The following CDCA5 variants were observed in gnomAD, a reference collection of about 807,000 sequenced individuals.
The protein encoded by CDCA5 is sororin.
CDCA5 carries 14 observed loss-of-function variants against 25.7 expected under a neutral mutation model. The observed-to-expected ratio is 0.54, with a 90% CI of 0.36 to 0.85. The LOEUF (loss-of-function observed/expected upper bound fraction) is 0.85, where lower values mean the gene tolerates loss of function less well. Among genes scored for constraint, CDCA5 ranks in the 40% least tolerant of loss-of-function variants. CDCA5 has a pLI of 0.01. For synonymous variants in CDCA5, 127 were observed against 128.7 expected (o/e 0.99, Z 0.09); for missense variants, 307 against 324.5 (o/e 0.95, Z 0.41).
chr11:65,062,885 C>A (rs1284945881), downstream of CDCA5, among the ~76,000 whole-genome samples: 1 of 152,168 alleles, frequency 6.6e-6, no homozygotes, highest in Non-Finnish European at 1.5e-5. Flanking sequence ...TTATTTCTTG[C>A]TGCCCCTCCC....
At chr11:65,070,107 G>A (rs115530117) in intron 1 of CDCA5, among the ~76,000 whole-genome samples, 147 of 152,372 alleles carry the variant, frequency 9.6e-4, no homozygotes, top group African/African-American at 3.3e-3. Context: ...AGCAAGAGCC[G>A]TGGGGTCCTG....
intron 2 of CDCA5, chr11:65,068,194 C>T (rs969977940): frequency 5.4e-6 from 5 of 927,412 alleles, no homozygotes; most frequent in Non-Finnish European, 7.6e-6. Flanking sequence ...TCCCACACCC[C>T]CCATCCTTGC....
Position 65,079,183 on chromosome 11 carries a change from G to C in CDCA5, c.683C>G (p.Thr228Arg). 1 of 1,525,274 alleles carries C rather than the reference G, an allele frequency of 6.6e-7. No homozygotes were observed. The highest frequency in any genetic ancestry group is 2.3e-5 in the East Asian group (1 of 44,100). 94.5% of individuals were successfully genotyped at this position (1,525,274 alleles called of 1,614,324 possible). ...GGCCGCAGCCCACTCATCCAGCTCC[G>C]TTTTCTGAGGGAAGAGAAATGAGGA... ...KKKKMPEILKTELDEWAAAMN... is the reference protein window; with the variant it reads ...KKKKMPEILKRELDEWAAAMN... Residue 228 changes from threonine to arginine, a missense_variant, in exon 6 of 6, where the codon ACG becomes AGG. Coordinates refer to ENST00000275517, the MANE Select transcript of CDCA5 (RefSeq NM_080668.4).
chr11:65,067,499 C>G (rs1460735422), intron 4 of CDCA5, among the ~76,000 whole-genome samples: 1 of 152,250 alleles, frequency 6.6e-6, no homozygotes, highest in African/African-American at 2.4e-5. Context: ...GCCCCTCCCC[C>G]AGACTGAACG....
At chr11:65,064,982 G>A (rs924881600), downstream of CDCA5, among the ~76,000 whole-genome samples, 1 of 152,168 alleles carries the variant, frequency 6.6e-6, no homozygotes, top group Non-Finnish European at 1.5e-5. Context: ...GCCCAGGCCT[G>A]ATCCCTAGGA....
chr11:65,067,789 G>C (rs1478218297), intron 3 of CDCA5: 1 of 1,188,718 alleles, frequency 8.4e-7, no homozygotes, highest in Non-Finnish European at 1.1e-6. Context: ...AGGCCAGAGG[G>C]TCTAGGGGAT....
chr11:65,061,777 G>GAAAAAAAAAAAA (rs781316054), downstream of CDCA5, among the ~76,000 whole-genome samples: 1 of 81,528 alleles, frequency 1.2e-5, no homozygotes, highest in Non-Finnish European at 2.7e-5. Flanking sequence ...TCCGTCTCAA[G>GAAAAAAAAAAAA]AAAAAAAAAA....
downstream of CDCA5, among the ~76,000 whole-genome samples, chr11:65,065,615 C>T (rs566223340): frequency 3.9e-5 from 6 of 152,276 alleles, no homozygotes; most frequent in East Asian, 9.6e-4. Flanking sequence ...AAAATAAATG[C>T]CCTTTAGAAT....
Position 65,078,930 on chromosome 11 carries a change from C to T in CDCA5, c.*177G>A, listed in dbSNP as rs1947498590. 8.7e-6 allele frequency: 11 copies of T among 1,257,496 alleles called. No homozygotes were observed. Among genetic ancestry groups the T allele is most frequent in the South Asian group, 3.6e-5 (1 of 27,566 alleles). 77.9% of individuals were successfully genotyped at this position (1,257,496 alleles called of 1,614,324 possible). A position where few individuals can be genotyped will look rare whatever the true frequency, so the allele number is the denominator to read the frequency against. On this transcript the variant is annotated 3_prime_UTR_variant, in exon 6 of 6. Transcript: ENST00000275517. ...GGCCAGGCGGCCCCATTTCCTAAAACCAAGATGGCTGCCGCTGCTGCCCAA... is the reference window on the plus strand; with the variant it reads ...GGCCAGGCGGCCCCATTTCCTAAAATCAAGATGGCTGCCGCTGCTGCCCAA...
intron 4 of CDCA5, 87 bp downstream of exon 4, chr11:65,083,277 C>T: frequency 6.6e-7 from 1 of 1,511,510 alleles, no homozygotes; most frequent in East Asian, 2.3e-5. Flanking sequence ...AAACAGCTCC[C>T]TGGGCAGATG....
chr11:65,067,443 G>A (rs1947260215), intron 4 of CDCA5, among the ~76,000 whole-genome samples: 1 of 152,198 alleles, frequency 6.6e-6, no homozygotes, highest in South Asian at 2.1e-4. Flanking sequence ...GAGCGGCCAT[G>A]GGATTGTGTG....
downstream of CDCA5, among the ~76,000 whole-genome samples, chr11:65,073,488 C>T (rs970026640): frequency 1.3e-5 from 2 of 152,098 alleles, no homozygotes; most frequent in African/African-American, 4.8e-5. Flanking sequence ...GACTTAATGA[C>T]GCGGGGCTCC....
In CDCA5 at chr11:65,083,563, G is replaced by A. The variant is rs780902128; in HGVS notation, c.142-13C>T. 5.6e-6 allele frequency: 9 copies of A among 1,614,162 alleles called. No homozygotes were observed. The Admixed American group carries it at 1.5e-4, about 27-fold the overall frequency. On this transcript the variant is annotated splice_polypyrimidine_tract_variant and intron_variant, in intron 2 of 5. Transcript: ENST00000275517. The stretch of plus-strand genomic sequence containing the variant: ...CCGCACTGGGTGTCTGGAGAAGAGG[G>A]ATGAACGTGAGCTCAACATTAGGTG...
rs757729405 is a variant in CDCA5 at position 65,077,680 on chromosome 11, T to C, written c.*1427A>G. 45 of 985,350 alleles carry C rather than the reference T, an allele frequency of 4.6e-5. No homozygotes were observed. The highest frequency in any genetic ancestry group is 5.1e-5 in the Non-Finnish European group (42 of 829,974). The allele number at this position is 985,350 out of a possible 1,614,324, so 61.0% of individuals were successfully genotyped here. A position where few individuals can be genotyped will look rare whatever the true frequency, so the allele number is the denominator to read the frequency against. On this transcript the variant is annotated 3_prime_UTR_variant, in exon 6 of 6. Coordinates refer to ENST00000275517, the MANE Select transcript of CDCA5 (RefSeq NM_080668.4). The stretch of plus-strand genomic sequence containing the variant: ...CAGTGCGGTTCAGCTCAAGGACACC[T>C]AGGCTTCCCCAGCAGGGGGCTTGCT...
At position 65,068,360 on chromosome 11, in the gene CDCA5, C is replaced by T. The variant is rs996973265; in HGVS notation, c.177+128G>A. 1.6e-4 allele frequency: 87 copies of T among 532,668 alleles called. 1 individual carries two copies. In the Admixed American group the frequency reaches 2.4e-3, roughly 15 times the overall value. The allele number at this position is 532,668 out of a possible 1,614,324, so 33.0% of individuals were successfully genotyped here. On this transcript the variant is annotated intron_variant, in intron 2 of 6. Coordinates refer to the CDCA5 transcript ENST00000525464. The stretch of plus-strand genomic sequence containing the variant: ...CCTGAACCCAGGAGCTGGGCCTGGA[C>T]GCCCTGACAGCTGGAAGCTGGGTGT...
rs1247609470 is a variant in CDCA5 at position 65,079,706 on chromosome 11, GGAC to G, written c.322_324del (p.Val108del). On this transcript the variant is annotated inframe_deletion, in exon 5 of 6. Transcript: ENST00000275517. Reference sequence around the variant, plus strand: ...ACAGGAGTGCTGGTGGGGGTGGCAGGGACGCTGTGTGTCTTGAAAAGGTCCTCC... The same window carrying G: ...ACAGGAGTGCTGGTGGGGGTGGCAGGGCTGTGTGTCTTGAAAAGGTCCTCC... 6.4e-7 allele frequency: 1 copy of G among 1,563,704 alleles called. No individual in the cohort carries two copies. Among genetic ancestry groups the G allele is most frequent in the African/African-American group, 1.4e-5 (1 of 72,870 alleles).
chr11:65,077,398 AGGCCTGGCCTTACCTTC>A, downstream of CDCA5: 1 of 928,026 alleles, frequency 1.1e-6, no homozygotes, highest in Non-Finnish European at 1.3e-6. Context: ...AGCCCACTGG[AGGCCTGGCCTTACCTTC>A]GGCTCTGCCT....
Position 65,077,530 on chromosome 11 carries a change from C to T in CDCA5, c.*1577G>A. 2.0e-6 allele frequency: 2 copies of T among 985,404 alleles called. No homozygotes were observed. The highest frequency in any genetic ancestry group is 2.4e-6 in the Non-Finnish European group (2 of 829,898). 61.0% of individuals were successfully genotyped at this position (985,404 alleles called of 1,614,324 possible). On this transcript the variant is annotated 3_prime_UTR_variant, in exon 6 of 6. Coordinates refer to ENST00000275517, the MANE Select transcript of CDCA5 (RefSeq NM_080668.4). ...TCCCATTTTTTCCTTAAATTTAGTT[C>T]CTCAGGAACAGAGAACTTTGCAATG...
At chr11:65,076,387 T>C (rs1488327123), downstream of CDCA5, among the ~76,000 whole-genome samples, 1 of 152,200 alleles carries the variant, frequency 6.6e-6, no homozygotes, top group African/African-American at 2.4e-5. Flanking sequence ...AGTGCTGGGA[T>C]TACAGGTGTC....
Sources: allele counts gnomAD v4.1 joint callset (sites outside exome capture counted in the v4.1 genomes callset), GRCh38; gene constraint gnomAD v4.1.1; transcripts MANE v1.5; gene names NCBI Gene and HGNC (gene_info 2026-07-23, HGNC 2026-07-21).